CSMD1: variants seen among roughly 807,000 people sequenced by gnomAD.
CSMD1 encodes CUB and sushi domain-containing protein 1.
In CSMD1, 213 loss-of-function variants were observed where a neutral mutation model predicts 417.5. The ratio of observed to expected loss-of-function variants is 0.51; its 90% CI spans 0.46 to 0.57. The LOEUF is 0.57. CSMD1 is among the 20% of genes least tolerant of loss of function. The pLI is 0.00. For synonymous variants in CSMD1, 2,862 were observed against 1,736.8 expected, an observed-to-expected ratio of 1.65 and a Z score of -16.11; for missense variants, 6,923 against 4,529.7, an observed-to-expected ratio of 1.53 and a Z score of -15.17.
Position 4,124,426 on chromosome 8 carries a change from G to A in CSMD1, c.416-92327C>T, listed in dbSNP as rs188365530. 3.1e-3 allele frequency among the ~76,000 whole-genome samples: 473 copies of A among 152,078 alleles called. 4 individuals are homozygous for A. Among genetic ancestry groups the A allele is most frequent in the African/African-American group, 0.01 (434 of 41,484 alleles). ...TGTATTTAATTTTTTTCCCTTTAGT[G>A]TAGAAGGGAGGAAACCCACGAAGCT... On this transcript the variant is annotated intron_variant, in intron 3 of 69. Transcript: ENST00000635120.
intron 3 of CSMD1, among the ~76,000 whole-genome samples, chr8:4,202,444 C>A (rs191442589): frequency 1.3e-5 from 2 of 152,230 alleles, no homozygotes; most frequent in East Asian, 3.9e-4. Context: ...TGGAAATGTA[C>A]AAAATGTTTC....
intron 11 of CSMD1, among the ~76,000 whole-genome samples, chr8:3,487,144 C>T (rs1462896843): frequency 1.3e-5 from 2 of 152,120 alleles, no homozygotes; most frequent in African/African-American, 2.4e-5. Flanking sequence ...CTTGGTTATT[C>T]CAGTAACTGG....
chr8:3,216,623 T>G (rs981018582), intron 29 of CSMD1, among the ~76,000 whole-genome samples: 1 of 152,232 alleles, frequency 6.6e-6, no homozygotes, highest in African/African-American at 2.4e-5. Flanking sequence ...CATTACTGAC[T>G]TGTCACTTCA....
chr8:3,693,848 G>A lies in CSMD1; in HGVS notation c.1009+14566C>T, dbSNP rs1252359798. On this transcript the variant is annotated intron_variant, in intron 7 of 69. Coordinates refer to ENST00000635120, the MANE Select transcript of CSMD1 (RefSeq NM_033225.6). ...TGGTGTGTGTGTTGTGTGTGTTAGG[G>A]TATATTATGTGCTGTATGTGTGTTT... Among the ~76,000 whole-genome samples the A allele has an allele frequency of 2.0e-5, 3 of 150,618 alleles. No homozygotes were observed. In the East Asian group the frequency reaches 5.9e-4, roughly 30 times the overall value.
chr8:4,864,337 A>C (rs1802304452), intron 1 of CSMD1, among the ~76,000 whole-genome samples: 1 of 151,810 alleles, frequency 6.6e-6, no homozygotes, highest in African/African-American at 2.4e-5. Flanking sequence ...ACGACATATA[A>C]TTAGAATGAA....
At chr8:3,119,659 G>A (rs922606252) in intron 41 of CSMD1, among the ~76,000 whole-genome samples, 5 of 152,154 alleles carry the variant, frequency 3.3e-5, no homozygotes, top group African/African-American at 1.2e-4. Context: ...CCCACTCTGG[G>A]AAGAGGGCGT....
intron 3 of CSMD1, among the ~76,000 whole-genome samples, chr8:4,205,422 C>G (rs541845136): frequency 3.4e-4 from 52 of 152,266 alleles, no homozygotes; most frequent in African/African-American, 1.2e-3. Context: ...TTAGTATCAC[C>G]AAACTGATAT....
At chr8:4,041,341 G>C (rs533275509) in intron 3 of CSMD1, among the ~76,000 whole-genome samples, 1 of 152,172 alleles carries the variant, frequency 6.6e-6, no homozygotes, top group African/African-American at 2.4e-5. Flanking sequence ...TTAAACACTA[G>C]AAGAATTAAT....
Position 3,586,195 on chromosome 8 carries a change from G to A in CSMD1, c.1163C>T (p.Thr388Ile). The A allele has an allele frequency of 2.5e-6, 4 of 1,612,584 alleles. No individual in the cohort carries two copies. Among genetic ancestry groups the A allele is most frequent in the South Asian group, 1.1e-5 (1 of 90,878 alleles). ...NYVLQGSKSI[T>I]CQRVTETLAA... ...GAGCGTCTCTGTAACTCTCTGACAG[G>A]TGATGCTTTTAGATCCCTGGAGCAC... Residue 388 changes from threonine (T) to isoleucine (I), a missense_variant, in exon 9 of 70, where the codon ACC (threonine) becomes ATC (isoleucine). Transcript: ENST00000635120.
In CSMD1 at chr8:3,108,595, C is replaced by T; in HGVS notation, c.6754+8G>A. 1 of 1,613,372 alleles carries T rather than the reference C, an allele frequency of 6.2e-7. No individual in the cohort carries two copies. Among genetic ancestry groups the T allele is most frequent in the Non-Finnish European group, 8.5e-7 (1 of 1,179,636 alleles). ...CAGTCTTAACTAACGGAGTGAAAAT[C>T]AACTGACCGTGGAAATTGAGGACAA... On this transcript the variant is annotated splice_region_variant and intron_variant, in intron 44 of 69. Coordinates refer to ENST00000635120, the MANE Select transcript of CSMD1 (RefSeq NM_033225.6).
At chr8:4,188,073 T>C (rs1410774737) in intron 3 of CSMD1, among the ~76,000 whole-genome samples, 3 of 151,990 alleles carry the variant, frequency 2.0e-5, no homozygotes, top group Non-Finnish European at 4.4e-5. Context: ...TTAAAACAAA[T>C]AGAAAAGTGA....
At chr8:4,706,905 A>T (rs2116844734) in intron 1 of CSMD1, among the ~76,000 whole-genome samples, 2 of 152,338 alleles carry the variant, frequency 1.3e-5, no homozygotes, top group South Asian at 4.1e-4. Context: ...CAAGGCGAAA[A>T]GCTTCTGATT....
chr8:3,881,299 T>C (rs1230007865), intron 5 of CSMD1, among the ~76,000 whole-genome samples: 3 of 150,212 alleles, frequency 2.0e-5, no homozygotes, highest in Non-Finnish European at 4.4e-5. Flanking sequence ...CCAATTCTAA[T>C]ATTTCCATTG....
At chr8:4,320,646 A>T (rs1041894888) in intron 3 of CSMD1, among the ~76,000 whole-genome samples, 47 of 151,996 alleles carry the variant, frequency 3.1e-4, no homozygotes, top group African/African-American at 1.1e-3. Flanking sequence ...GCTGAGAATG[A>T]TGGTTTACAG....
At chr8:4,239,435 A>G (rs1802257175) in intron 3 of CSMD1, among the ~76,000 whole-genome samples, 1 of 152,096 alleles carries the variant, frequency 6.6e-6, no homozygotes, top group Non-Finnish European at 1.5e-5. Flanking sequence ...TTTCTCCTGG[A>G]GGCTGGGTCC....
chr8:3,896,223 T>A lies in CSMD1; in HGVS notation c.818+101680A>T, dbSNP rs549252853. Among the ~76,000 whole-genome samples the A allele has an allele frequency of 1.1e-4, 16 of 152,296 alleles. 1 individual carries two copies. Among genetic ancestry groups the A allele is most frequent in the Middle Eastern group, 6.8e-3 (2 of 294 alleles). ...ACAAACATCTTCCAATTCTATAGCCTGGTTGCTGTCACCAAAATTTCTCAA... is the reference window on the plus strand; with the variant it reads ...ACAAACATCTTCCAATTCTATAGCCAGGTTGCTGTCACCAAAATTTCTCAA... On this transcript the variant is annotated intron_variant, in intron 5 of 69. Coordinates refer to ENST00000635120, the MANE Select transcript of CSMD1 (RefSeq NM_033225.6).
chr8:4,489,706 C>A (rs1367593712), intron 2 of CSMD1, among the ~76,000 whole-genome samples: 2 of 152,280 alleles, frequency 1.3e-5, no homozygotes, highest in Admixed American at 6.5e-5. Context: ...ATTGCAGCAC[C>A]CTCCCTGCTC....
At chr8:4,796,816 T>G (rs575710282) in intron 1 of CSMD1, among the ~76,000 whole-genome samples, 4 of 152,308 alleles carry the variant, frequency 2.6e-5, no homozygotes, top group African/African-American at 9.6e-5. Flanking sequence ...TGCATGTTTA[T>G]CTTGTGCAGT....
chr8:4,935,658 T>C (rs1807565110), intron 1 of CSMD1, among the ~76,000 whole-genome samples: 1 of 152,254 alleles, frequency 6.6e-6, no homozygotes, highest in Non-Finnish European at 1.5e-5. Flanking sequence ...ATATCACCAT[T>C]GTAACTAAAG....
Sources: allele counts gnomAD v4.1 joint callset (sites outside exome capture counted in the v4.1 genomes callset), GRCh38; gene constraint gnomAD v4.1.1; transcripts MANE v1.5; gene names NCBI Gene and HGNC (gene_info 2026-07-23, HGNC 2026-07-21).